Variants in ADAMDEC1 observed in about 807,000 individuals in gnomAD.
The protein encoded by ADAMDEC1 is ADAM DEC1.
In ADAMDEC1, 62 loss-of-function variants were observed where a neutral mutation model predicts 60.4. That is an observed-to-expected ratio of 1.03 (90% CI 0.84 to 1.27). The LOEUF (loss-of-function observed/expected upper bound fraction) is 1.27. Among genes scored for constraint, ADAMDEC1 ranks in the 50% most tolerant of loss-of-function variants. The probability of loss-of-function intolerance (pLI) is 0.00; values close to 1 mark genes in which losing one functional copy is unlikely to be tolerated. For missense variants in ADAMDEC1, 595 were observed against 565.0 expected (o/e 1.05, Z -0.54); for synonymous variants, 210 against 195.1 (o/e 1.08, Z -0.64).
intron 13 of ADAMDEC1, 109 bp downstream of exon 13, chr8:24,404,197 T>C: frequency 2.1e-6 from 2 of 955,202 alleles, no homozygotes; most frequent in Non-Finnish European, 3.1e-6. Flanking sequence ...ATGTATTTTA[T>C]ATTTTTCAAA....
At chr8:24,398,782 C>A (rs1284308288) in intron 8 of ADAMDEC1, 92 bp from the exon 9 acceptor site, 5 of 1,312,812 alleles carry the variant, frequency 3.8e-6, no homozygotes, top group Non-Finnish European at 4.3e-6. Flanking sequence ...ACTTGTAGTC[C>A]ATCACTTTAT....
rs768554814 is a variant in ADAMDEC1 at position 24,398,440 on chromosome 8, A to G, written c.691-40A>G. The G allele has an allele frequency of 2.4e-6, 3 of 1,234,848 alleles. No individual in the cohort carries two copies. In the East Asian group the frequency reaches 7.1e-5, roughly 29 times the overall value. The allele number at this position is 1,234,848 out of a possible 1,614,324, so 76.5% of individuals were successfully genotyped here. ...GTATGCCATCAGCTTTCTCAGTGTA[A>G]TCTGCTATTTCACTATACTTTGTGT... is the stretch of plus-strand genomic sequence containing the variant. On this transcript the variant is annotated intron_variant, in intron 7 of 13. Coordinates refer to ENST00000256412, the MANE Select transcript of ADAMDEC1 (RefSeq NM_014479.3).
chr8:24,399,222 G>GA (rs1298078334), intron 9 of ADAMDEC1, among the ~76,000 whole-genome samples, 171 bp from the exon 10 acceptor site: 1 of 152,136 alleles, frequency 6.6e-6, no homozygotes, highest in African/African-American at 2.4e-5. Context: ...TGAGCTCTTG[G>GA]ATATAAGATA....
At position 24,400,196 on chromosome 8, in the gene ADAMDEC1, T is replaced by G. The variant is rs139397711; in HGVS notation, c.1038T>G (p.Leu346=). 4.9e-4 allele frequency: 785 copies of G among 1,602,536 alleles called. 4 individuals carry two copies. The South Asian group carries it at 5.1e-3, about 10-fold the overall frequency. Residue 346 remains leucine (L), a synonymous_variant, in exon 11 of 14, where the codon CTT becomes CTG. Coordinates refer to ENST00000256412, the MANE Select transcript of ADAMDEC1 (RefSeq NM_014479.3). ...CTAAAAAAAAGAATAATGTGGCTCT[T>G]GTAGGAGTGATGTCACATGAGCTGG... ...IEAKKKNNVA[L]VGVMSHELGH... is the part of the protein sequence containing the mutation.
intron 3 of ADAMDEC1, among the ~76,000 whole-genome samples, chr8:24,393,760 G>A: frequency 6.6e-6 from 1 of 152,118 alleles, no homozygotes; most frequent in Admixed American, 6.6e-5. Flanking sequence ...GCATATTTGT[G>A]ACCCAGCACC....
At chr8:24,394,979 G>A (rs986539205) in intron 4 of ADAMDEC1, among the ~76,000 whole-genome samples, 1 of 152,284 alleles carries the variant, frequency 6.6e-6, no homozygotes, top group South Asian at 2.1e-4. Flanking sequence ...ACCATAGATG[G>A]AATTTCATAA....
chr8:24,395,218 T>C (rs764214785), intron 4 of ADAMDEC1, among the ~76,000 whole-genome samples: 31 of 152,226 alleles, frequency 2.0e-4, no homozygotes, highest in Non-Finnish European at 4.1e-4. Flanking sequence ...AGTGATAGTG[T>C]GAAATATCTG....
chr8:24,400,034 A>G, intron 10 of ADAMDEC1, 136 bp from the exon 11 acceptor site: 2 of 650,030 alleles, frequency 3.1e-6, no homozygotes, highest in Non-Finnish European at 4.8e-6. Flanking sequence ...TGCTCTTTCA[A>G]CGTTTTGCAA....
At position 24,395,405 on chromosome 8, in the gene ADAMDEC1, T is replaced by C. The variant is rs143147552; in HGVS notation, c.364-315T>C. Among the ~76,000 whole-genome samples the C allele has an allele frequency of 5.8e-4, 88 of 152,288 alleles. No homozygotes were observed. The East Asian group carries it at 0.016, about 28-fold the overall frequency. The stretch of plus-strand genomic sequence containing the variant: ...CTACTTCTCAGAGAAAGCATCCACT[T>C]TCACTATGAGCCCACCTAGGTTTAA... On this transcript the variant is annotated intron_variant, in intron 4 of 13. Coordinates refer to ENST00000256412, the MANE Select transcript of ADAMDEC1 (RefSeq NM_014479.3).
rs7005258 is a variant in ADAMDEC1, at chr8:24,398,999, T to C, written c.888T>C (p.Ser296=). 3.2e-3 allele frequency: 5,123 copies of C among 1,613,586 alleles called. 144 individuals are homozygous for C. The African/African-American group carries it at 0.061, about 19-fold the overall frequency. The change falls in exon 9 of 14, where the codon TCT becomes TCC. Residue 296 remains serine (S), a synonymous_variant. Transcript: ENST00000256412. ...ACAACTTCCTGAGATGGCACAGTTC[T>C]AACCTGGGGAAAAAGATCCACGACC... ...TFDNFLRWHS[S]NLGKKIHDHA... is the part of the protein sequence containing the mutation.
In ADAMDEC1 at chr8:24,392,318, A is replaced by G; in HGVS notation, c.145A>G (p.Lys49Glu). ...GCTCCATGAAATAGTTTGTCCTAAA[A>G]AACTTCACATTTTACACAAAAGAGA... ...LTLHEIVCPK[K>E]LHILHKREIK... is the part of the protein sequence containing the mutation. The change falls in exon 2 of 14, where the codon AAA becomes GAA. Residue 49 changes from lysine (K) to glutamate (E), a missense_variant. Coordinates refer to ENST00000256412, the MANE Select transcript of ADAMDEC1 (RefSeq NM_014479.3). The G allele has an allele frequency of 6.2e-7, 1 of 1,612,096 alleles. No individual in the cohort carries two copies. The highest frequency in any genetic ancestry group is 8.5e-7 in the Non-Finnish European group (1 of 1,179,032).
At chr8:24,397,794 G>A (rs764591811) in intron 7 of ADAMDEC1, 49 bp downstream of exon 7, 238 of 1,548,544 alleles carry the variant, frequency 1.5e-4, no homozygotes, top group Middle Eastern at 5.1e-4. Flanking sequence ...CACCCTTTAA[G>A]TTTACTTATC....
intron 5 of ADAMDEC1, 38 bp downstream of exon 5, chr8:24,395,834 C>A: frequency 2.0e-6 from 3 of 1,501,012 alleles, no homozygotes; most frequent in Non-Finnish European, 2.8e-6. Context: ...GATCAAGAAG[C>A]TTTTTGTTAC....
At position 24,404,100 on chromosome 8, in the gene ADAMDEC1, T is replaced by C; in HGVS notation, c.1406+12T>C. The C allele has an allele frequency of 6.8e-6, 11 of 1,610,734 alleles. No homozygotes were observed. The highest frequency in any genetic ancestry group is 7.6e-6 in the Non-Finnish European group (9 of 1,178,514). ...CCAAACCATACCACGTAAGACCTTT[T>C]GTTTTCTTTGTTCCAAAACGTTTTC... On this transcript the variant is annotated intron_variant, in intron 13 of 13. Transcript: ENST00000256412.
At chr8:24,403,957 A>G in intron 12 of ADAMDEC1, 46 bp from the exon 13 acceptor site, 1 of 1,519,082 alleles carries the variant, frequency 6.6e-7, no homozygotes, top group South Asian at 1.1e-5. Flanking sequence ...GTCTATGGGA[A>G]GAAAATGTTG....
At chr8:24,404,214 A>G in intron 13 of ADAMDEC1, 126 bp downstream of exon 13, 1 of 777,284 alleles carries the variant, frequency 1.3e-6, no homozygotes, top group Non-Finnish European at 2.0e-6. Flanking sequence ...CAAACGACTC[A>G]ATTTTGGAGA....
chr8:24,384,877 A>G (rs1044467852), intron 1 of ADAMDEC1, among the ~76,000 whole-genome samples: 1 of 152,104 alleles, frequency 6.6e-6, no homozygotes, highest in East Asian at 1.9e-4. Context: ...TTTGCACAAT[A>G]TTTTCCAAAA....
At position 24,389,354 on chromosome 8, in the gene ADAMDEC1, C is replaced by T. The variant is rs550942887; in HGVS notation, c.89-2908C>T. ...CCTCTCTTTCTCTCATGTTCTATATCCAATCCTTCACCAATTCTATTGATT... is the reference window on the plus strand; with the variant it reads ...CCTCTCTTTCTCTCATGTTCTATATTCAATCCTTCACCAATTCTATTGATT... On this transcript the variant is annotated intron_variant, in intron 1 of 13. Transcript: ENST00000256412. 1.4e-4 allele frequency among the ~76,000 whole-genome samples: 21 copies of T among 152,260 alleles called. No individual in the cohort carries two copies. The South Asian group carries it at 4.1e-3, about 30-fold the overall frequency.
In ADAMDEC1 at chr8:24,398,507, C is replaced by G. The variant is rs1585812254; in HGVS notation, c.718C>G (p.Leu240Val). The G allele has an allele frequency of 1.9e-6, 3 of 1,598,862 alleles. No homozygotes were observed. The East Asian group carries it at 6.7e-5, about 36-fold the overall frequency. ...FYKNYNENLT[L>V]IRSFVFDVMN... Reference sequence around the variant, plus strand: ...TAAGAACTATAATGAGAATCTAACTCTGATAAGAAGCTTTGTGTTTGATGT... The same window carrying G: ...TAAGAACTATAATGAGAATCTAACTGTGATAAGAAGCTTTGTGTTTGATGT... The change falls in exon 8 of 14, where the codon CTG becomes GTG. Residue 240 changes from leucine to valine, a missense_variant. By Grantham distance (32) the Leu-to-Val change is conservative (BLOSUM62 1). Transcript: ENST00000256412.
Sources: gnomAD v4.1 joint callset for allele counts (sites outside exome capture counted in the v4.1 genomes callset) on GRCh38, gnomAD v4.1.1 for gene constraint, MANE v1.5 for transcripts, NCBI Gene and HGNC (gene_info 2026-07-23, HGNC 2026-07-21) for gene names.